Variants in RHAG observed in about 807,000 individuals in gnomAD.
RHAG encodes ammonium transporter Rh type A.
A neutral mutation model predicts 42.4 loss-of-function variants in RHAG; 25 were observed. The ratio of observed to expected loss-of-function variants is 0.59; its 90% CI spans 0.43 to 0.82. RHAG has a LOEUF of 0.82. Ranked by LOEUF, RHAG falls within the 40% of genes least tolerant of loss-of-function variation. RHAG has a pLI of 0.00. For synonymous variants in RHAG, 182 were observed against 177.7 expected (o/e 1.02, Z -0.19); for missense variants, 483 against 504.6 (o/e 0.96, Z 0.41).
At position 49,614,811 on chromosome 6, in the gene RHAG, G is replaced by A. The variant is rs866785576; in HGVS notation, c.683C>T (p.Ala228Val). ...CTGTTTGTCTCCAGGTTCAGCAATG[G>A]CCGAGTTAAAGCTGGGCCAAAACAT... Reference protein sequence around the residue: ...LWMFWPSFNSAIAEPGDKQCR... With the variant: ...LWMFWPSFNSVIAEPGDKQCR... The change falls in exon 5 of 10, where the codon GCC (alanine) becomes GTC (valine). Residue 228 changes from alanine to valine, a missense_variant. Physicochemically the swap from Ala to Val is moderately conservative, Grantham distance 64. Transcript: ENST00000371175. 1 of 1,614,188 alleles carries A rather than the reference G, an allele frequency of 6.2e-7. No homozygotes were observed.
chr6:49,633,655 T>G (rs939242751), intron 1 of RHAG, among the ~76,000 whole-genome samples: 6 of 152,230 alleles, frequency 3.9e-5, no homozygotes, highest in Admixed American at 2.6e-4. Flanking sequence ...ATGGCTACCT[T>G]TCATGTAAAA....
chr6:49,629,001 G>A (rs1020256682), intron 1 of RHAG, among the ~76,000 whole-genome samples: 1 of 152,152 alleles, frequency 6.6e-6, no homozygotes, highest in African/African-American at 2.4e-5. Flanking sequence ...CCTAATGATT[G>A]GTAGAGCCAA....
chr6:49,615,893 A>G lies in RHAG; in HGVS notation c.493-122T>C, dbSNP rs1280883895. ...CTTAAAAAAATTAAAGAGGGACAGA[A>G]AGATTGTGTCAGAGAAAGGGGGGTA... On this transcript the variant is annotated intron_variant, in intron 3 of 9. Coordinates refer to ENST00000371175, the MANE Select transcript of RHAG (RefSeq NM_000324.3). 9 of 981,552 alleles carry G rather than the reference A, an allele frequency of 9.2e-6. No individual in the cohort carries two copies. In the East Asian group the frequency reaches 2.3e-4, roughly 25 times the overall value. The allele number at this position is 981,552 out of a possible 1,614,324, so 60.8% of individuals were successfully genotyped here. A position where few individuals can be genotyped will look rare whatever the true frequency, so the allele number is the denominator to read the frequency against.
At chr6:49,609,569 C>T (rs542058562) in intron 7 of RHAG, among the ~76,000 whole-genome samples, 1 of 152,212 alleles carries the variant, frequency 6.6e-6, no homozygotes, top group Admixed American at 6.5e-5. Context: ...GTCTCAGGAA[C>T]TGAAAAAGAT....
chr6:49,624,325 C>A (rs1172488488), intron 1 of RHAG, among the ~76,000 whole-genome samples: 1 of 152,208 alleles, frequency 6.6e-6, no homozygotes, highest in African/African-American at 2.4e-5. Flanking sequence ...CCTGTCTCAG[C>A]CTCCCGAGTA....
intron 1 of RHAG, among the ~76,000 whole-genome samples, chr6:49,622,420 C>G (rs1473089282): frequency 6.6e-6 from 1 of 152,112 alleles, no homozygotes; most frequent in Non-Finnish European, 1.5e-5. Flanking sequence ...CCATGTTGGT[C>G]AGGCTGGTCT....
At position 49,605,297 on chromosome 6, in the gene RHAG, A is replaced by T. The variant is rs1205138068; in HGVS notation, c.*516T>A. ...AGGAATTAAGAATAATATTCATGCA[A>T]GGATACAACATTACTAACTAGACTA... is the stretch of plus-strand genomic sequence containing the variant. On this transcript the variant is annotated 3_prime_UTR_variant, in exon 10 of 10. Coordinates refer to ENST00000371175, the MANE Select transcript of RHAG (RefSeq NM_000324.3). The T allele has an allele frequency of 1.3e-5, 2 of 159,086 alleles. No individual in the cohort carries two copies. Among genetic ancestry groups the T allele is most frequent in the African/African-American group, 4.8e-5 (2 of 41,496 alleles). 9.9% of individuals were successfully genotyped at this position (159,086 alleles called of 1,614,324 possible).
intron 1 of RHAG, among the ~76,000 whole-genome samples, chr6:49,626,105 C>T (rs576811625): frequency 2.6e-5 from 4 of 152,274 alleles, no homozygotes; most frequent in South Asian, 2.1e-4. Context: ...CATCTCATTT[C>T]GCTCCAGCCC....
rs1762709786 is a variant in RHAG at position 49,619,225 on chromosome 6, C to T, written c.295G>A (p.Gly99Arg). Residue 99 changes from glycine to arginine, a missense_variant, in exon 2 of 10, where the codon GGA becomes AGA. Gly to Arg is a moderately radical substitution (Grantham distance 125, BLOSUM62 -2). Transcript: ENST00000371175. ...TTCTGTCCCTGGCTTTGCAGGATTC[C>T]CTGTACAATAGTGCCCCACTGGAGG... The part of the protein sequence containing the change: ...LGLQWGTIVQ[G>R]ILQSQGQKFN... The T allele has an allele frequency of 6.2e-7, 1 of 1,614,068 alleles. No individual in the cohort carries two copies. The highest frequency in any genetic ancestry group is 8.5e-7 in the Non-Finnish European group (1 of 1,179,988).
At chr6:49,631,631 C>T (rs538519642) in intron 1 of RHAG, among the ~76,000 whole-genome samples, 22 of 152,112 alleles carry the variant, frequency 1.4e-4, no homozygotes, top group Non-Finnish European at 2.9e-4. Context: ...CTTTCTTTGC[C>T]CCAACCTGGA....
Position 49,605,948 on chromosome 6 carries a change from A to T in RHAG, c.1213-118T>A. ...TATTCAAGCTTGGAAAGAACTGGGA[A>T]TAAAAATTGTTTGAGTTGAAGAAAA... is the stretch of plus-strand genomic sequence containing the variant. On this transcript the variant is annotated intron_variant, in intron 9 of 9. Transcript: ENST00000371175. The T allele has an allele frequency of 8.0e-6, 7 of 872,288 alleles. No homozygotes were observed. In the South Asian group the frequency reaches 9.5e-5, roughly 12 times the overall value. 54.0% of individuals were successfully genotyped at this position (872,288 alleles called of 1,614,324 possible). A position where few individuals can be genotyped will look rare whatever the true frequency, so the allele number is the denominator to read the frequency against.
chr6:49,617,826 T>C (rs1014328390), intron 3 of RHAG, among the ~76,000 whole-genome samples: 1 of 152,234 alleles, frequency 6.6e-6, no homozygotes, highest in Non-Finnish European at 1.5e-5. Context: ...TCAGTTTTTA[T>C]GGTGTATACA....
chr6:49,612,133 G>C (rs537657979), intron 6 of RHAG, among the ~76,000 whole-genome samples: 1 of 152,182 alleles, frequency 6.6e-6, no homozygotes, highest in East Asian at 1.9e-4. Context: ...AGTCCCAAAG[G>C]AAAGTAATGG....
chr6:49,636,545 C>T, intron 1 of RHAG, 111 bp downstream of exon 1: 1 of 1,121,130 alleles, frequency 8.9e-7, no homozygotes, highest in Non-Finnish European at 1.4e-6. Context: ...GCACTCATAA[C>T]CATCATATAA....
intron 1 of RHAG, among the ~76,000 whole-genome samples, chr6:49,621,834 A>G (rs997878544): frequency 1.3e-5 from 2 of 152,198 alleles, no homozygotes; most frequent in African/African-American, 4.8e-5. Context: ...TCTTAGCTCT[A>G]CAATTTATTT....
At chr6:49,635,178 C>CTGGT (rs1762991917) in intron 1 of RHAG, among the ~76,000 whole-genome samples, 2 of 151,312 alleles carry the variant, frequency 1.3e-5, no homozygotes, top group Admixed American at 6.6e-5. Context: ...TTCCTTCAAC[C>CTGGT]TGGTGTTGAT....
chr6:49,621,878 G>C (rs919201271), intron 1 of RHAG, among the ~76,000 whole-genome samples: 2 of 152,058 alleles, frequency 1.3e-5, no homozygotes, highest in African/African-American at 4.8e-5. Context: ...CTGAGACACA[G>C]AGAAGTTAGG....
chr6:49,636,536 C>A, intron 1 of RHAG, 120 bp downstream of exon 1: 1 of 1,029,290 alleles, frequency 9.7e-7, no homozygotes, highest in East Asian at 2.4e-5. Flanking sequence ...ATATCCTTAG[C>A]ACTCATAACC....
chr6:49,621,998 T>TC (rs2127354874), intron 1 of RHAG, among the ~76,000 whole-genome samples: 1 of 151,992 alleles, frequency 6.6e-6, no homozygotes, highest in East Asian at 1.9e-4. Flanking sequence ...TTTTTTTTTT[T>TC]CTTAGAGCAC....
Sources: gnomAD v4.1 joint callset for allele counts (sites outside exome capture counted in the v4.1 genomes callset) on GRCh38, gnomAD v4.1.1 for gene constraint, MANE v1.5 for transcripts, NCBI Gene and HGNC (gene_info 2026-07-23, HGNC 2026-07-21) for gene names.